The following LSAMP variants were observed in gnomAD, a reference collection of about 807,000 sequenced individuals.
LSAMP encodes limbic system associated membrane protein.
A neutral mutation model predicts 38.6 loss-of-function variants in LSAMP; 7 were observed. That is an observed-to-expected ratio of 0.18 (90% CI 0.10 to 0.34). LSAMP has a LOEUF of 0.34. LSAMP is among the 10% of genes least tolerant of loss of function. The pLI, the probability that LSAMP is intolerant of heterozygous loss-of-function variation, is 1.00. For synonymous variants in LSAMP, 154 were observed against 166.8 expected (o/e 0.92, Z 0.59); for missense variants, 313 against 420.0 (o/e 0.75, Z 2.23).
At position 116,086,263 on chromosome 3, in the gene LSAMP, C is replaced by A. The variant is rs569284719; in HGVS notation, c.388+61G>T. 3 of 1,249,784 alleles carry A rather than the reference C, an allele frequency of 2.4e-6. No individual in the cohort carries two copies. In the South Asian group the frequency reaches 3.7e-5, roughly 15 times the overall value. 77.4% of individuals were successfully genotyped at this position (1,249,784 alleles called of 1,614,324 possible). A position where few individuals can be genotyped will look rare whatever the true frequency, so the allele number is the denominator to read the frequency against. On this transcript the variant is annotated intron_variant, in intron 2 of 6. Transcript: ENST00000490035. ...GGAAGGATTCTGCAAATATTTTGTA[C>A]ATTATTATTCTGCAACTCCCACCTC...
rs190989487 is a variant in LSAMP, at chr3:115,934,051, T to C, written c.515-81434A>G. Among the ~76,000 whole-genome samples the C allele has an allele frequency of 4.1e-3, 623 of 152,356 alleles. 3 individuals are homozygous for C. Among genetic ancestry groups the C allele is most frequent in the Non-Finnish European group, 6.7e-3 (455 of 68,034 alleles). On this transcript the variant is annotated intron_variant, in intron 3 of 6. Transcript: ENST00000490035. ...TTTTGCTATGGAAAACATAATTCTA[T>C]CAATGTGTTTTGATAGGGACCTTGC...
At chr3:116,081,846 A>C (rs543422931) in intron 2 of LSAMP, among the ~76,000 whole-genome samples, 1 of 152,146 alleles carries the variant, frequency 6.6e-6, no homozygotes, top group East Asian at 1.9e-4. Flanking sequence ...CAAAATGTTA[A>C]AAAAAATTAT....
At chr3:116,270,964 TA>T (rs2046964218) in intron 1 of LSAMP, among the ~76,000 whole-genome samples, 1 of 151,962 alleles carries the variant, frequency 6.6e-6, no homozygotes. Flanking sequence ...TATGTAAAAT[TA>T]AGGGATTGGA....
At chr3:116,302,425 A>T (rs2047422507) in intron 1 of LSAMP, among the ~76,000 whole-genome samples, 2 of 152,194 alleles carry the variant, frequency 1.3e-5, no homozygotes, top group Admixed American at 1.3e-4. Context: ...TTAGAACGGT[A>T]ATCACCTCTA....
chr3:116,419,469 A>C (rs1039971396), intron 1 of LSAMP, among the ~76,000 whole-genome samples: 2 of 152,150 alleles, frequency 1.3e-5, no homozygotes, highest in South Asian at 2.1e-4. Context: ...GAATTGTTTA[A>C]ATTTCTTTTT....
intron 3 of LSAMP, among the ~76,000 whole-genome samples, chr3:115,974,602 G>C (rs545889701): frequency 5.3e-5 from 8 of 152,232 alleles, no homozygotes; most frequent in African/African-American, 1.9e-4. Flanking sequence ...TTACATATTT[G>C]TGAGGTTTTA....
chr3:115,835,353 A>G (rs986551833), intron 6 of LSAMP, among the ~76,000 whole-genome samples: 4 of 152,134 alleles, frequency 2.6e-5, no homozygotes, highest in Admixed American at 6.6e-5. Context: ...TCCCATACAT[A>G]AGCTACTGAC....
At chr3:115,902,000 C>A (rs1176258212) in intron 3 of LSAMP, among the ~76,000 whole-genome samples, 1 of 151,456 alleles carries the variant, frequency 6.6e-6, no homozygotes, top group Non-Finnish European at 1.5e-5. Flanking sequence ...AAACCCTGTC[C>A]ATTTAGAAAC....
intron 1 of LSAMP, among the ~76,000 whole-genome samples, chr3:116,165,186 G>T (rs1710019842): frequency 6.6e-6 from 1 of 152,148 alleles, no homozygotes; most frequent in Non-Finnish European, 1.5e-5. Flanking sequence ...CTTTGCCTGT[G>T]GGCAGGAGTT....
chr3:116,423,340 G>T (rs1312585512), intron 1 of LSAMP, among the ~76,000 whole-genome samples: 1 of 152,134 alleles, frequency 6.6e-6, no homozygotes, highest in Admixed American at 6.5e-5. Flanking sequence ...TGCCAGAACT[G>T]AGCACAGCCA....
chr3:116,367,360 C>G (rs940435039), intron 1 of LSAMP, among the ~76,000 whole-genome samples: 3 of 152,226 alleles, frequency 2.0e-5, no homozygotes, highest in Admixed American at 6.5e-5. Context: ...AAATAAATCC[C>G]ACTTGAATCA....
chr3:116,054,858 GT>G (rs2107738365), intron 2 of LSAMP, among the ~76,000 whole-genome samples: 1 of 152,250 alleles, frequency 6.6e-6, no homozygotes, highest in Admixed American at 6.5e-5. Context: ...AGTGCCCTGT[GT>G]TTGGGGTACT....
chr3:116,084,138 A>T (rs1485706743), intron 2 of LSAMP, among the ~76,000 whole-genome samples: 1 of 152,128 alleles, frequency 6.6e-6, no homozygotes, highest in African/African-American at 2.4e-5. Context: ...TTTTGCATAT[A>T]TATAAAATAA....
intron 3 of LSAMP, among the ~76,000 whole-genome samples, chr3:115,911,205 T>C (rs972675143): frequency 6.6e-6 from 1 of 152,190 alleles, no homozygotes; most frequent in African/African-American, 2.4e-5. Context: ...ATGACAGCTA[T>C]AGTAAAAATA....
intron 6 of LSAMP, among the ~76,000 whole-genome samples, chr3:115,818,988 C>T (rs964412025): frequency 1.3e-5 from 2 of 148,898 alleles, no homozygotes; most frequent in East Asian, 4.1e-4. Flanking sequence ...GGTGAAACCC[C>T]ATCTCTACTA....
At position 115,999,143 on chromosome 3, in the gene LSAMP, C is replaced by T. The variant is rs113995150; in HGVS notation, c.514+20372G>A. 4.9e-3 allele frequency among the ~76,000 whole-genome samples: 753 copies of T among 152,194 alleles called. 2 individuals are homozygous for T. The highest frequency in any genetic ancestry group is 8.2e-3 in the Admixed American group (126 of 15,278). On this transcript the variant is annotated intron_variant, in intron 3 of 6. Coordinates refer to ENST00000490035, the MANE Select transcript of LSAMP (RefSeq NM_002338.5). The stretch of plus-strand genomic sequence containing the variant: ...GATGCCAGGATTGGCTTGTGGGCAA[C>T]GATGATGAGGCTTTGAGATCAGCCT...
chr3:116,176,481 C>T (rs545940892), intron 1 of LSAMP, among the ~76,000 whole-genome samples: 5 of 152,206 alleles, frequency 3.3e-5, no homozygotes, highest in Non-Finnish European at 7.4e-5. Context: ...TCTTACTTGT[C>T]AAAGTAGTGA....
At chr3:116,400,701 C>T (rs2048828463) in intron 1 of LSAMP, among the ~76,000 whole-genome samples, 1 of 152,106 alleles carries the variant, frequency 6.6e-6, no homozygotes. Context: ...TGTTCTCAAA[C>T]TCCTGACCTC....
In LSAMP at chr3:116,238,480, A is replaced by C. The variant is rs868210750; in HGVS notation, c.156-151924T>G. Among the ~76,000 whole-genome samples, 6 of 152,316 alleles carry C rather than the reference A, an allele frequency of 3.9e-5. No homozygotes were observed. In the Middle Eastern group the frequency reaches 0.01, roughly 259 times the overall value. On this transcript the variant is annotated intron_variant, in intron 1 of 6. Transcript: ENST00000490035. ...TGACTGATGCAGGAGTTACTCGCATATGGGACTATGACTAGGCAGACAGCA... is the reference window on the plus strand; with the variant it reads ...TGACTGATGCAGGAGTTACTCGCATCTGGGACTATGACTAGGCAGACAGCA...
Sources: allele counts gnomAD v4.1 joint callset (sites outside exome capture counted in the v4.1 genomes callset), GRCh38; gene constraint gnomAD v4.1.1; transcripts MANE v1.5; gene names NCBI Gene and HGNC (gene_info 2026-07-23, HGNC 2026-07-21).